PRL: variants seen among roughly 807,000 people sequenced by gnomAD.
PRL encodes the protein prolactin.
A neutral mutation model predicts 21.3 loss-of-function variants in PRL; 24 were observed. The observed-to-expected ratio is 1.13, with a 90% confidence interval of 0.82 to 1.59. The LOEUF is 1.59. Among genes scored for constraint, PRL ranks in the 40% most tolerant of loss-of-function variants. PRL has a pLI of 0.00. For missense variants in PRL, 243 were observed against 286.9 expected (o/e 0.85, Z 1.10); for synonymous variants, 118 against 115.7 (o/e 1.02, Z -0.13).
chr6:22,299,539 T>C (rs73389196), upstream of PRL, among the ~76,000 whole-genome samples: 2,455 of 152,304 alleles, frequency 0.016, 51 homozygotes, highest in African/African-American at 0.055. Flanking sequence ...TGAAGCAAAG[T>C]ATATTTAAAA....
At chr6:22,293,792 GA>G (rs1761115508) in intron 2 of PRL, among the ~76,000 whole-genome samples, 1 of 143,588 alleles carries the variant, frequency 7.0e-6, no homozygotes, top group Non-Finnish European at 1.6e-5. Flanking sequence ...AAGAAGGAAG[GA>G]AGGAGGGAAG....
chr6:22,302,062 T>TA (rs1052552362), upstream of PRL, among the ~76,000 whole-genome samples: 2 of 152,006 alleles, frequency 1.3e-5, no homozygotes, highest in Non-Finnish European at 2.9e-5. Flanking sequence ...AAAAAGAAAC[T>TA]AAAAAATACA....
intron 3 of PRL, 102 bp downstream of exon 3, chr6:22,292,436 C>T: frequency 9.4e-7 from 1 of 1,069,142 alleles, no homozygotes; most frequent in Non-Finnish European, 1.4e-6. Context: ...ATATTTTTCT[C>T]TGCATGTACA....
chr6:22,296,807 C>T, intron 1 of PRL, 148 bp downstream of exon 1: 1 of 747,742 alleles, frequency 1.3e-6, no homozygotes. Context: ...TCTATGGTGC[C>T]CTTGTAAAAT....
Position 22,290,180 on chromosome 6 carries a change from G to A in PRL, c.486C>T (p.Val162=). 1 of 1,574,076 alleles carries A rather than the reference G, an allele frequency of 6.4e-7. No homozygotes were observed. The highest frequency in any genetic ancestry group is 8.7e-7 in the Non-Finnish European group (1 of 1,151,904). ...KRLLEGMELI[V]SQVHPETKEN... The stretch of plus-strand genomic sequence containing the variant: ...GCACCAGGAGGCTGCTCACCTGGCT[G>A]ACTATCAGCTCCATGCCCTCTAGAA... The change falls in exon 4 of 5, where the codon GTC becomes GTT. Residue 162 remains valine, a synonymous_variant. Transcript: ENST00000306482.
upstream of PRL, among the ~76,000 whole-genome samples, chr6:22,298,254 T>G (rs1761217396): frequency 6.6e-6 from 1 of 152,224 alleles, no homozygotes; most frequent in African/African-American, 2.4e-5. Flanking sequence ...AAATTCATCT[T>G]TCATGGGCTT....
chr6:22,293,042 A>G (rs1201190912), intron 2 of PRL, among the ~76,000 whole-genome samples: 1 of 152,228 alleles, frequency 6.6e-6, no homozygotes, highest in Non-Finnish European at 1.5e-5. Context: ...ATGTATTTAC[A>G]TGTATTCATT....
intron 2 of PRL, among the ~76,000 whole-genome samples, chr6:22,293,580 G>GAGGA (rs1409279931): frequency 6.9e-6 from 1 of 145,232 alleles, no homozygotes; most frequent in Non-Finnish European, 1.5e-5. Context: ...AAAAGAAAGG[G>GAGGA]AGGAAGGAAG....
chr6:22,297,290 G>A (rs957292845), upstream of PRL: 2 of 416,234 alleles, frequency 4.8e-6, no homozygotes, highest in African/African-American at 4.1e-5. Flanking sequence ...GGTGAGATCT[G>A]AGACTAGATT....
chr6:22,287,540 T>C lies in PRL; in HGVS notation c.546A>G (p.Pro182=), dbSNP rs759900213. ...NEIYPVWSGL[P]SLQMADEESR... is the part of the protein sequence containing the mutation. ...ACTCTTCATCAGCCATCTGCAGGGA[T>C]GGAAGTCCCGACCAGACAGGGTAGA... The change falls in exon 5 of 5, where the codon CCA becomes CCG. Residue 182 remains proline, a synonymous_variant. Coordinates refer to ENST00000306482, the MANE Select transcript of PRL (RefSeq NM_000948.6). The C allele has an allele frequency of 1.2e-6, 2 of 1,613,978 alleles. No individual in the cohort carries two copies. The highest frequency in any genetic ancestry group is 2.2e-5 in the South Asian group (2 of 91,070).
upstream of PRL, among the ~76,000 whole-genome samples, chr6:22,300,013 G>T (rs1761253977): frequency 2.0e-5 from 3 of 152,140 alleles, no homozygotes; most frequent in South Asian, 6.2e-4. Context: ...AATGAAATAT[G>T]AAATGATTAA....
rs1439696727 is a variant in PRL at position 22,288,844 on chromosome 6, C to T, written c.493-1251G>A. 6.6e-6 allele frequency among the ~76,000 whole-genome samples: 1 copy of T among 152,004 alleles called. No homozygotes were observed. Among genetic ancestry groups the T allele is most frequent in the Non-Finnish European group, 1.5e-5 (1 of 67,984 alleles). On this transcript the variant is annotated intron_variant, in intron 4 of 4. Coordinates refer to ENST00000306482, the MANE Select transcript of PRL (RefSeq NM_000948.6). This position sits in a 1 kb window ranked among gnomAD's most constrained non-coding sequence, Gnocchi z 4.5. Reference sequence around the variant, plus strand: ...AGAATATTTTTCAAATCTGGGATTCCCTATTGGAATTTAAAGTGTGTGTGT... The same window carrying T: ...AGAATATTTTTCAAATCTGGGATTCTCTATTGGAATTTAAAGTGTGTGTGT...
At chr6:22,289,242 G>T (rs575787097) in intron 4 of PRL, among the ~76,000 whole-genome samples, 21 of 152,028 alleles carry the variant, frequency 1.4e-4, no homozygotes, top group Non-Finnish European at 2.6e-4. Flanking sequence ...TATTTTTCTC[G>T]CATGAAAATA....
chr6:22,292,596 C>T lies in PRL; in HGVS notation c.254G>A (p.Ser85Asn). The change falls in exon 3 of 5, where the codon AGC becomes AAC. Residue 85 changes from serine (S) to asparagine (N), a missense_variant. Coordinates refer to ENST00000306482, the MANE Select transcript of PRL (RefSeq NM_000948.6). Reference sequence around the variant, plus strand: ...GGTGGCAAGGGAAGAAGTGTGGCAGCTGTTGATGGCCTTGGTAATGAACCC... The same window carrying T: ...GGTGGCAAGGGAAGAAGTGTGGCAGTTGTTGATGGCCTTGGTAATGAACCC... ...GRGFITKAIN[S>N]CHTSSLATPE... The T allele has an allele frequency of 6.2e-6, 10 of 1,613,942 alleles. No homozygotes were observed. The highest frequency in any genetic ancestry group is 7.6e-6 in the Non-Finnish European group (9 of 1,180,014).
chr6:22,297,122 G>T, upstream of PRL: 1 of 802,714 alleles, frequency 1.2e-6, no homozygotes, highest in Non-Finnish European at 2.0e-6. Context: ...CCCTTTTCCT[G>T]GTCATCTATT....
In PRL at chr6:22,288,873, T is replaced by C. The variant is rs1760980896; in HGVS notation, c.493-1280A>G. On this transcript the variant is annotated intron_variant, in intron 4 of 4. Transcript: ENST00000306482. This position sits in a 1 kb window ranked among gnomAD's most constrained non-coding sequence, Gnocchi z 4.5. The stretch of plus-strand genomic sequence containing the variant: ...TTGGAATTTAAAGTGTGTGTGTGTG[T>C]ATGCGCGTGCGCGTGTGTGTGCGTG... Among the ~76,000 whole-genome samples the C allele has an allele frequency of 6.6e-6, 1 of 150,586 alleles. No homozygotes were observed. The highest frequency in any genetic ancestry group is 2.5e-5 in the African/African-American group (1 of 39,970).
chr6:22,292,361 A>G (rs16885980), intron 3 of PRL, among the ~76,000 whole-genome samples, 177 bp downstream of exon 3: 6,119 of 152,278 alleles, frequency 0.04, 416 homozygotes, highest in East Asian at 0.25. Context: ...ATCTTTACTT[A>G]GCATTTGATT....
At chr6:22,300,526 C>T (rs1296645756), upstream of PRL, among the ~76,000 whole-genome samples, 1 of 152,252 alleles carries the variant, frequency 6.6e-6, no homozygotes, top group Non-Finnish European at 1.5e-5. Context: ...GTGGAGCTCT[C>T]TAAACCATTA....
Position 22,288,937 on chromosome 6 carries a change from T to TGCGC in PRL, c.492+1236_492+1237insGCGC, listed in dbSNP as rs1480917324. The stretch of plus-strand genomic sequence containing the variant: ...GTGTGTGCGTGCGCGTGTGTGTGCA[T>TGCGC]GTGTGTGTGCGTGCGCGTGTGTGTG... On this transcript the variant is annotated intron_variant, in intron 4 of 4. Transcript: ENST00000306482. This position sits in a 1 kb window ranked among gnomAD's most constrained non-coding sequence, Gnocchi z 4.5. Among the ~76,000 whole-genome samples the TGCGC allele has an allele frequency of 1.3e-5, 2 of 151,386 alleles. No individual in the cohort carries two copies. The highest frequency in any genetic ancestry group is 4.9e-5 in the African/African-American group (2 of 41,216).
Sources: allele counts gnomAD v4.1 joint callset (sites outside exome capture counted in the v4.1 genomes callset), GRCh38; gene constraint gnomAD v4.1.1; non-coding constraint Gnocchi (gnomAD v3.1); transcripts MANE v1.5; gene names NCBI Gene and HGNC (gene_info 2026-07-23, HGNC 2026-07-21).